Variants in SPATA17 observed in about 807,000 individuals in gnomAD.
The protein encoded by SPATA17 is spermatogenesis associated 17.
Under a neutral mutation model 62.2 loss-of-function variants are expected in SPATA17, and 53 were observed. The ratio of observed to expected loss-of-function variants is 0.85; its 90% CI spans 0.68 to 1.07. SPATA17 has a LOEUF of 1.07. Among genes scored for constraint, SPATA17 ranks in the 50% least tolerant of loss-of-function variants. SPATA17 has a pLI of 0.00. For missense variants in SPATA17, 466 were observed against 425.5 expected (o/e 1.10, Z -0.84); for synonymous variants, 146 against 146.8 (o/e 0.99, Z 0.04).
chr1:217,672,265 C>G (rs534334676), intron 4 of SPATA17, among the ~76,000 whole-genome samples: 1 of 152,124 alleles, frequency 6.6e-6, no homozygotes, highest in South Asian at 2.1e-4. Context: ...TCATAAGCTA[C>G]CTGGTAACTT....
At chr1:217,809,036 T>TG (rs1266333438) in intron 9 of SPATA17, among the ~76,000 whole-genome samples, 1 of 152,078 alleles carries the variant, frequency 6.6e-6, no homozygotes, top group Admixed American at 6.6e-5. Context: ...AAGTTACAGA[T>TG]GGATCTTCCT....
At chr1:217,819,930 A>G (rs1674817867) in intron 9 of SPATA17, among the ~76,000 whole-genome samples, 1 of 152,096 alleles carries the variant, frequency 6.6e-6, no homozygotes, top group Non-Finnish European at 1.5e-5. Context: ...TGAGGCAGGA[A>G]GTATGCTAGA....
chr1:217,780,980 C>A (rs6702033), intron 7 of SPATA17, among the ~76,000 whole-genome samples: 74 of 152,080 alleles, frequency 4.9e-4, no homozygotes, highest in African/African-American at 1.7e-3. Context: ...CATTTGATTT[C>A]TTAATAGTGG....
chr1:217,703,697 T>C (rs1671656864), intron 5 of SPATA17, among the ~76,000 whole-genome samples: 1 of 152,244 alleles, frequency 6.6e-6, no homozygotes, highest in Non-Finnish European at 1.5e-5. Context: ...TAGGAATTCA[T>C]GTTTAGGAAA....
At chr1:217,660,989 T>C (rs1223629693) in intron 3 of SPATA17, among the ~76,000 whole-genome samples, 1 of 152,178 alleles carries the variant, frequency 6.6e-6, no homozygotes, top group South Asian at 2.1e-4. Context: ...TGGTATCTTG[T>C]AAGGCGATGG....
chr1:217,686,307 C>G (rs1019996211), intron 5 of SPATA17, among the ~76,000 whole-genome samples: 2 of 152,000 alleles, frequency 1.3e-5, no homozygotes, highest in East Asian at 3.9e-4. Flanking sequence ...CCTTAATTCA[C>G]GTTTTTATAA....
chr1:217,669,868 G>T (rs957618362), intron 4 of SPATA17, among the ~76,000 whole-genome samples: 1 of 152,104 alleles, frequency 6.6e-6, no homozygotes, highest in Non-Finnish European at 1.5e-5. Flanking sequence ...ACATTATTTT[G>T]ACTATGTGTT....
At chr1:217,851,747 T>G (rs1353672697) in intron 9 of SPATA17, among the ~76,000 whole-genome samples, 1 of 152,288 alleles carries the variant, frequency 6.6e-6, no homozygotes, top group South Asian at 2.1e-4. Flanking sequence ...AAACACTGTC[T>G]GATGAAAATG....
intron 6 of SPATA17, among the ~76,000 whole-genome samples, chr1:217,750,458 T>C (rs917366791): frequency 2.6e-5 from 4 of 152,168 alleles, no homozygotes; most frequent in African/African-American, 7.2e-5. Flanking sequence ...TAAGAGGACA[T>C]GCAGAAGAAA....
intron 9 of SPATA17, among the ~76,000 whole-genome samples, chr1:217,810,557 G>A (rs1278382276): frequency 6.6e-6 from 1 of 151,978 alleles, no homozygotes; most frequent in South Asian, 2.1e-4. Context: ...AGGAGGCAGA[G>A]GCATGAGCCA....
chr1:217,831,131 A>G (rs1675129243), intron 9 of SPATA17, among the ~76,000 whole-genome samples: 1 of 152,124 alleles, frequency 6.6e-6, no homozygotes, highest in African/African-American at 2.4e-5. Context: ...TCCTTTGATG[A>G]TGATCTAGGG....
chr1:217,769,798 T>A (rs1411085984), intron 6 of SPATA17, among the ~76,000 whole-genome samples: 1 of 152,222 alleles, frequency 6.6e-6, no homozygotes, highest in Non-Finnish European at 1.5e-5. Context: ...GGGTACTATA[T>A]CTGAGGGTTA....
chr1:217,863,119 CTTTTTT>C (rs35673625), intron 10 of SPATA17, among the ~76,000 whole-genome samples: 2 of 111,860 alleles, frequency 1.8e-5, no homozygotes, highest in African/African-American at 6.5e-5. Flanking sequence ...AATACTCTTT[CTTTTTT>C]TTTTTTTTTT....
intron 5 of SPATA17, among the ~76,000 whole-genome samples, chr1:217,719,864 G>A (rs985914664): frequency 6.6e-6 from 1 of 152,118 alleles, no homozygotes; most frequent in African/African-American, 2.4e-5. Context: ...TGGATTGTGG[G>A]GTTCTCTGAG....
intron 9 of SPATA17, among the ~76,000 whole-genome samples, chr1:217,857,529 G>A (rs543520597): frequency 6.6e-6 from 1 of 152,176 alleles, no homozygotes; most frequent in Admixed American, 6.5e-5. Context: ...TCTTGATGAG[G>A]TTATTTTTCA....
intron 5 of SPATA17, among the ~76,000 whole-genome samples, chr1:217,730,791 T>A (rs557169718): frequency 2.0e-5 from 3 of 152,234 alleles, no homozygotes; most frequent in East Asian, 1.9e-4. Context: ...TTTCTTTTTT[T>A]AAAAAAACTC....
chr1:217,649,408 G>A (rs540051783), intron 2 of SPATA17, among the ~76,000 whole-genome samples: 7 of 152,278 alleles, frequency 4.6e-5, no homozygotes, highest in African/African-American at 1.7e-4. Context: ...GAACCCGGAA[G>A]GCGAAGTTTG....
chr1:217,859,172 A>T (rs1173861796), intron 9 of SPATA17, among the ~76,000 whole-genome samples: 1 of 146,646 alleles, frequency 6.8e-6, no homozygotes, highest in African/African-American at 2.5e-5. Flanking sequence ...ATAAAATTTT[A>T]TATAATATAA....
At chr1:217,753,114 A>G (rs1031184492) in intron 6 of SPATA17, among the ~76,000 whole-genome samples, 5 of 152,110 alleles carry the variant, frequency 3.3e-5, no homozygotes, top group African/African-American at 1.2e-4. Context: ...GCATTCACTG[A>G]TATCTGACTT....
Sources: gnomAD v4.1 joint callset for allele counts (sites outside exome capture counted in the v4.1 genomes callset) on GRCh38, gnomAD v4.1.1 for gene constraint, MANE v1.5 for transcripts, NCBI Gene and HGNC (gene_info 2026-07-23, HGNC 2026-07-21) for gene names.